CACNA1E: variants seen among roughly 807,000 people sequenced by gnomAD.
CACNA1E encodes the protein voltage-dependent R-type calcium channel subunit alpha-1E.
A neutral mutation model predicts 259.2 loss-of-function variants in CACNA1E; 40 were observed. That is an observed-to-expected ratio of 0.15 (90% confidence interval 0.12 to 0.20). CACNA1E has a LOEUF of 0.20. Among genes scored for constraint, CACNA1E ranks in the 10% least tolerant of loss-of-function variants. The pLI is 1.00. For synonymous variants in CACNA1E, 1,104 were observed against 1,138.5 expected (o/e 0.97, Z 0.61); for missense variants, 1,874 against 3,040.1 (o/e 0.62, Z 9.02).
chr1:181,381,277 A>G (rs1011350173), intron 1 of CACNA1E, among the ~76,000 whole-genome samples: 2 of 152,186 alleles, frequency 1.3e-5, no homozygotes, highest in African/African-American at 2.4e-5. Flanking sequence ...TGCATGGATA[A>G]ACAAACCCAT....
At chr1:181,373,135 A>G (rs1399828114) in intron 1 of CACNA1E, among the ~76,000 whole-genome samples, 3 of 152,114 alleles carry the variant, frequency 2.0e-5, no homozygotes, top group African/African-American at 7.2e-5. Flanking sequence ...TTGGTATCAG[A>G]ATGATGCTGG....
intron 2 of CACNA1E, among the ~76,000 whole-genome samples, chr1:181,425,032 T>C (rs1220283743): frequency 1.3e-5 from 2 of 152,172 alleles, no homozygotes; most frequent in Non-Finnish European, 2.9e-5. Context: ...TTGAAGAAAA[T>C]GGGAAAAGCG....
intron 1 of CACNA1E, among the ~76,000 whole-genome samples, chr1:181,401,544 A>T (rs377248071): frequency 6.6e-6 from 1 of 152,246 alleles, no homozygotes; most frequent in East Asian, 1.9e-4. Context: ...AGTTCACTTT[A>T]AAAAAAGCTT....
At chr1:181,795,874 G>C (rs1462567510) in intron 46 of CACNA1E, among the ~76,000 whole-genome samples, 1 of 151,320 alleles carries the variant, frequency 6.6e-6, no homozygotes, top group Non-Finnish European at 1.5e-5. Context: ...GGGCCATTAA[G>C]TGGCAGAACT....
intron 7 of CACNA1E, among the ~76,000 whole-genome samples, chr1:181,656,035 A>T (rs1659180236): frequency 6.6e-6 from 1 of 151,362 alleles, no homozygotes; most frequent in South Asian, 2.1e-4. Context: ...CGCTGGTGTA[A>T]AAAAACCCTG....
chr1:181,404,645 T>A lies in CACNA1E; in HGVS notation c.-14-8488T>A, dbSNP rs141469135. Among the ~76,000 whole-genome samples, 559 of 152,344 alleles carry A rather than the reference T, an allele frequency of 3.7e-3. 2 individuals carry two copies. Among genetic ancestry groups the A allele is most frequent in the African/African-American group, 0.012 (484 of 41,586 alleles). ...CAGACACGCTTTGGAGGCACAGGTA[T>A]GCCCTTCTTCCATTTCCATCAGCTC... On this transcript the variant is annotated intron_variant, in intron 1 of 11. Coordinates refer to the CACNA1E transcript ENST00000524607.
At chr1:181,463,327 C>T (rs1661943448) in intron 2 of CACNA1E, among the ~76,000 whole-genome samples, 1 of 152,096 alleles carries the variant, frequency 6.6e-6, no homozygotes, top group Non-Finnish European at 1.5e-5. Flanking sequence ...TTTTTGGACT[C>T]TGGTTGACTG....
chr1:181,596,489 C>T (rs1169901826), intron 6 of CACNA1E, among the ~76,000 whole-genome samples: 3 of 149,744 alleles, frequency 2.0e-5, no homozygotes, highest in East Asian at 2.0e-4. Flanking sequence ...GGCATTTTAT[C>T]GTCACCCTGT....
chr1:181,619,959 G>A (rs1384196392), intron 6 of CACNA1E, among the ~76,000 whole-genome samples: 2 of 152,082 alleles, frequency 1.3e-5, no homozygotes, highest in Non-Finnish European at 2.9e-5. Context: ...ATCCATAGAG[G>A]ATCTTTTGTA....
chr1:181,599,944 C>A (rs542057247), intron 6 of CACNA1E, among the ~76,000 whole-genome samples: 15 of 152,168 alleles, frequency 9.9e-5, no homozygotes, highest in African/African-American at 3.6e-4. Context: ...ACCTGGAATT[C>A]GTATTATAGT....
intron 2 of CACNA1E, among the ~76,000 whole-genome samples, chr1:181,447,189 T>C (rs1660840505): frequency 6.7e-6 from 1 of 149,312 alleles, no homozygotes; most frequent in Non-Finnish European, 1.5e-5. Flanking sequence ...CTTGTTATTC[T>C]ATTTTGGGAT....
intron 21 of CACNA1E, 28 bp downstream of exon 21, chr1:181,733,778 A>G: frequency 6.8e-7 from 1 of 1,465,658 alleles, no homozygotes; most frequent in Non-Finnish European, 9.1e-7. Context: ...GTTCCCCTCC[A>G]CCCCCAACTC....
chr1:181,603,486 C>T (rs370630895), intron 6 of CACNA1E, among the ~76,000 whole-genome samples: 13 of 152,168 alleles, frequency 8.5e-5, no homozygotes, highest in East Asian at 3.9e-4. Flanking sequence ...TGTGTGGAAA[C>T]GGACTTTTCA....
chr1:181,430,774 T>G (rs1659662091), intron 2 of CACNA1E, among the ~76,000 whole-genome samples: 1 of 152,190 alleles, frequency 6.6e-6, no homozygotes, highest in Non-Finnish European at 1.5e-5. Flanking sequence ...AGTTTTTCCT[T>G]TTCTCCTCCC....
intron 43 of CACNA1E, among the ~76,000 whole-genome samples, chr1:181,787,182 C>G (rs1353499032): frequency 6.6e-6 from 1 of 152,008 alleles, no homozygotes; most frequent in Non-Finnish European, 1.5e-5. Flanking sequence ...TGCAGTGGCA[C>G]GATCTCAGCT....
intron 6 of CACNA1E, among the ~76,000 whole-genome samples, chr1:181,602,571 A>G (rs1653847159): frequency 6.6e-6 from 1 of 152,176 alleles, no homozygotes; most frequent in South Asian, 2.1e-4. Context: ...ATGACAGAAC[A>G]TGAGTTCATG....
At chr1:181,629,897 G>A (rs199948) in intron 6 of CACNA1E, among the ~76,000 whole-genome samples, 116,619 of 152,156 alleles carry the variant, frequency 0.77, 45,697 homozygotes, top group East Asian at 0.94. Flanking sequence ...GGTTCTGTGC[G>A]TCTGTGTGGG....
chr1:181,408,223 T>C (rs1163549766), intron 1 of CACNA1E, among the ~76,000 whole-genome samples: 1 of 152,176 alleles, frequency 6.6e-6, no homozygotes, highest in Non-Finnish European at 1.5e-5. Flanking sequence ...AGTTGGAGGA[T>C]GCACATGTTC....
intron 6 of CACNA1E, among the ~76,000 whole-genome samples, chr1:181,597,644 C>T (rs901252461): frequency 6.6e-6 from 1 of 152,126 alleles, no homozygotes; most frequent in African/African-American, 2.4e-5. Flanking sequence ...TGTATTAGTC[C>T]GTTTTCATGC....
Sources: allele counts gnomAD v4.1 joint callset (sites outside exome capture counted in the v4.1 genomes callset), GRCh38; gene constraint gnomAD v4.1.1; transcripts MANE v1.5; gene names NCBI Gene and HGNC (gene_info 2026-07-23, HGNC 2026-07-21).